Variants in KYNU observed in about 807,000 individuals in gnomAD.
The protein encoded by KYNU is L-kynurenine hydrolase.
KYNU carries 54 observed loss-of-function variants against 59.2 expected under a neutral mutation model. The ratio of observed to expected loss-of-function variants is 0.91; its 90% confidence interval spans 0.73 to 1.14. KYNU has a LOEUF of 1.14. Ranked by LOEUF, KYNU falls within the 50% of genes most tolerant of loss-of-function variation. The pLI is 0.00. For missense variants in KYNU, 567 were observed against 554.4 expected (o/e 1.02, Z -0.23); for synonymous variants, 177 against 192.0 (o/e 0.92, Z 0.65).
chr2:143,006,109 G>C (rs927391795), intron 10 of KYNU, among the ~76,000 whole-genome samples: 1 of 152,082 alleles, frequency 6.6e-6, no homozygotes, highest in Non-Finnish European at 1.5e-5. Flanking sequence ...GAGCAACGCA[G>C]AAGACGGGTG....
intron 2 of KYNU, among the ~76,000 whole-genome samples, chr2:142,895,466 T>A (rs2104932629): frequency 6.6e-6 from 1 of 152,322 alleles, no homozygotes; most frequent in South Asian, 2.1e-4. Context: ...AAGTGTTTCA[T>A]TTTATTGCTG....
At chr2:142,934,583 A>T (rs1683325493) in intron 4 of KYNU, among the ~76,000 whole-genome samples, 1 of 152,126 alleles carries the variant, frequency 6.6e-6, no homozygotes, top group South Asian at 2.1e-4. Context: ...TCTACAATAG[A>T]GACTTGGGAG....
chr2:142,895,199 G>A (rs1573758731), intron 2 of KYNU, among the ~76,000 whole-genome samples: 1 of 152,090 alleles, frequency 6.6e-6, no homozygotes, highest in Non-Finnish European at 1.5e-5. Flanking sequence ...TTTAACACAT[G>A]TATAGAATTA....
intron 8 of KYNU, among the ~76,000 whole-genome samples, chr2:142,970,697 C>T (rs979996721): frequency 1.3e-5 from 2 of 152,140 alleles, no homozygotes; most frequent in Non-Finnish European, 2.9e-5. Flanking sequence ...TTTCCTGCAT[C>T]GTGTTTCTCC....
At chr2:142,915,792 T>C (rs1682649910) in intron 2 of KYNU, among the ~76,000 whole-genome samples, 1 of 152,196 alleles carries the variant, frequency 6.6e-6, no homozygotes, top group Admixed American at 6.5e-5. Context: ...AAGTGAACTT[T>C]TAAGCAGAGT....
intron 4 of KYNU, among the ~76,000 whole-genome samples, chr2:142,928,209 T>C (rs1294369246): frequency 2.0e-5 from 3 of 152,230 alleles, no homozygotes; most frequent in Non-Finnish European, 4.4e-5. Context: ...GAAAATGACA[T>C]AGCTGATGCT....
intron 2 of KYNU, among the ~76,000 whole-genome samples, chr2:142,900,383 G>C (rs372684448): frequency 1.5e-4 from 23 of 152,164 alleles, no homozygotes; most frequent in African/African-American, 5.6e-4. Context: ...TTAATAGAGT[G>C]AAAACAGAGC....
At chr2:142,928,844 C>CA (rs1388703817) in intron 4 of KYNU, among the ~76,000 whole-genome samples, 1 of 151,026 alleles carries the variant, frequency 6.6e-6, no homozygotes, top group African/African-American at 2.4e-5. Context: ...CCCATCTCTA[C>CA]AAAAAAATTT....
chr2:143,002,077 A>G (rs1685721741), intron 10 of KYNU, among the ~76,000 whole-genome samples: 1 of 152,182 alleles, frequency 6.6e-6, no homozygotes, highest in Non-Finnish European at 1.5e-5. Context: ...AAGACAATGG[A>G]TGGCAAACAA....
intron 1 of KYNU, among the ~76,000 whole-genome samples, chr2:142,883,201 T>C (rs1316500374): frequency 3.0e-5 from 4 of 134,688 alleles, no homozygotes; most frequent in African/African-American, 1.1e-4. Flanking sequence ...TTTTTTTTTT[T>C]TTTTTTTTTT....
intron 10 of KYNU, among the ~76,000 whole-genome samples, chr2:143,006,400 G>T (rs1685896951): frequency 6.6e-6 from 1 of 151,792 alleles, no homozygotes; most frequent in Non-Finnish European, 1.5e-5. Flanking sequence ...GGCTCGGAGG[G>T]TCCTACGCCC....
chr2:142,977,048 G>A (rs1235599267), intron 8 of KYNU, among the ~76,000 whole-genome samples: 1 of 152,158 alleles, frequency 6.6e-6, no homozygotes, highest in South Asian at 2.1e-4. Flanking sequence ...GCAGGCTTCA[G>A]AGGGAATAGA....
At chr2:143,007,975 A>G (rs377728257) in intron 10 of KYNU, among the ~76,000 whole-genome samples, 51 of 118,522 alleles carry the variant, frequency 4.3e-4, no homozygotes, top group Middle Eastern at 3.9e-3. Context: ...AAAGACCATC[A>G]AGACTAGGAA....
intron 10 of KYNU, among the ~76,000 whole-genome samples, chr2:143,002,526 C>G (rs1055126965): frequency 6.6e-6 from 1 of 152,192 alleles, no homozygotes; most frequent in Non-Finnish European, 1.5e-5. Flanking sequence ...ACCCAGCAAT[C>G]ATCATCATAA....
At position 142,918,679 on chromosome 2, in the gene KYNU, A is replaced by G. The variant is rs547572522; in HGVS notation, c.240A>G (p.Pro80=). The G allele has an allele frequency of 2.5e-6, 4 of 1,611,984 alleles. No individual in the cohort carries two copies. The highest frequency in any genetic ancestry group is 1.3e-5 in the African/African-American group (1 of 74,986). The stretch of plus-strand genomic sequence containing the variant: ...TGGGAAATTCTCTTGGCCTTCAACC[A>G]AAAATGGTTAAAACATATCTTGAAG... ...YFLGNSLGLQ[P]KMVKTYLEEE... The change falls in exon 3 of 14, where the codon CCA becomes CCG. Residue 80 remains proline, a synonymous_variant. Transcript: ENST00000264170.
intron 12 of KYNU, among the ~76,000 whole-genome samples, chr2:143,037,482 G>A (rs893815037): frequency 1.6e-4 from 25 of 152,158 alleles, no homozygotes; most frequent in African/African-American, 6.0e-4. Context: ...TACATGGCGA[G>A]TCAGAAGACT....
rs745624106 is a variant in KYNU at position 142,985,125 on chromosome 2, T to G, written c.771T>G (p.Asn257Lys). 8.1e-6 allele frequency: 13 copies of G among 1,611,688 alleles called. No homozygotes were observed. The highest frequency in any genetic ancestry group is 1.1e-5 in the Non-Finnish European group (13 of 1,178,340). ...TTGATCTAGCACATGCAGTTGGAAATGTTGAACTCTACTTACATGACTGGG... is the reference window on the plus strand; with the variant it reads ...TTGATCTAGCACATGCAGTTGGAAAGGTTGAACTCTACTTACATGACTGGG... ...VGFDLAHAVG[N>K]VELYLHDWGV... The change falls in exon 9 of 14, where the codon AAT (asparagine) becomes AAG (lysine). Residue 257 changes from asparagine (N) to lysine (K), a missense_variant. Asn to Lys is a moderately conservative substitution (Grantham distance 94). Transcript: ENST00000264170.
At chr2:142,956,789 T>C (rs1684178248) in intron 6 of KYNU, among the ~76,000 whole-genome samples, 1 of 152,064 alleles carries the variant, frequency 6.6e-6, no homozygotes, top group Admixed American at 6.6e-5. Flanking sequence ...TACTTGATGA[T>C]GAGTTGTTTA....
chr2:142,885,129 T>A (rs1387363083), intron 1 of KYNU, among the ~76,000 whole-genome samples: 1 of 129,022 alleles, frequency 7.8e-6, no homozygotes, highest in Non-Finnish European at 1.6e-5. Context: ...CCTCCCAAAG[T>A]GCTGGGATTA....
Sources: gnomAD v4.1 joint callset for allele counts (sites outside exome capture counted in the v4.1 genomes callset) on GRCh38, gnomAD v4.1.1 for gene constraint, MANE v1.5 for transcripts, NCBI Gene and HGNC (gene_info 2026-07-23, HGNC 2026-07-21) for gene names.